Variants in NELL1 observed in about 807,000 individuals in gnomAD.
NELL1 encodes protein kinase C-binding protein NELL1.
Under a neutral mutation model 107.4 loss-of-function variants are expected in NELL1, and 76 were observed. The ratio of observed to expected loss-of-function variants is 0.71; its 90% CI spans 0.59 to 0.86. The LOEUF (loss-of-function observed/expected upper bound fraction) is 0.86. Ranked by LOEUF, NELL1 falls within the 40% of genes least tolerant of loss-of-function variation. The pLI, the probability that NELL1 is intolerant of heterozygous loss-of-function variation, is 0.00. For synonymous variants in NELL1, 353 were observed against 341.2 expected (o/e 1.03, Z -0.38); for missense variants, 1,024 against 1,005.5 (o/e 1.02, Z -0.25).
At chr11:21,126,739 C>T (rs1301670059) in intron 13 of NELL1, among the ~76,000 whole-genome samples, 3 of 152,160 alleles carry the variant, frequency 2.0e-5, no homozygotes, top group African/African-American at 7.2e-5. Flanking sequence ...TTTGGAAAGC[C>T]GCTTGCCTTG....
intron 14 of NELL1, among the ~76,000 whole-genome samples, chr11:21,275,278 G>A (rs1173264018): frequency 5.3e-5 from 8 of 152,198 alleles, no homozygotes; most frequent in African/African-American, 7.2e-5. Flanking sequence ...ACACCTCTAC[G>A]CAAATAAACT....
chr11:21,474,359 A>T (rs1258878887), intron 15 of NELL1, among the ~76,000 whole-genome samples: 9 of 150,286 alleles, frequency 6.0e-5, no homozygotes, highest in Admixed American at 6.0e-4. Flanking sequence ...ATCTCCCACC[A>T]CTGATTTTAG....
intron 15 of NELL1, among the ~76,000 whole-genome samples, chr11:21,439,018 CCA>C (rs1853208359): frequency 1.3e-5 from 2 of 151,584 alleles, no homozygotes; most frequent in African/African-American, 4.8e-5. Context: ...AGAGGTAATC[CCA>C]TCAGGTAAAG....
intron 2 of NELL1, among the ~76,000 whole-genome samples, chr11:20,735,001 G>A (rs565412586): frequency 1.3e-5 from 2 of 152,254 alleles, no homozygotes; most frequent in South Asian, 2.1e-4. Flanking sequence ...CTGAAATTAA[G>A]TACTGGGGAG....
intron 14 of NELL1, among the ~76,000 whole-genome samples, chr11:21,348,907 G>A (rs961728096): frequency 6.6e-6 from 1 of 152,156 alleles, no homozygotes; most frequent in Non-Finnish European, 1.5e-5. Context: ...CTTTAGGAAA[G>A]TTGGGCTGGG....
intron 14 of NELL1, among the ~76,000 whole-genome samples, chr11:21,313,329 A>G (rs1174373408): frequency 2.0e-5 from 3 of 152,170 alleles, no homozygotes; most frequent in Non-Finnish European, 4.4e-5. Context: ...TCCAAAGACC[A>G]TTGACATGGG....
chr11:21,567,253 T>A (rs1211013539), intron 17 of NELL1, among the ~76,000 whole-genome samples: 2 of 151,834 alleles, frequency 1.3e-5, no homozygotes, highest in Non-Finnish European at 2.9e-5. Context: ...TTAAAGTAAG[T>A]CTTCAGGGAG....
At position 21,121,876 on chromosome 11, in the gene NELL1, T is replaced by C. The variant is rs572621766; in HGVS notation, c.1426+8162T>C. On this transcript the variant is annotated intron_variant, in intron 13 of 19. Transcript: ENST00000357134. ...TTTCCAGACCAATTTTAGTTTTCCA[T>C]ATGTAGTACTGGAAAAGCCAAAGAC... Among the ~76,000 whole-genome samples, 9 of 152,320 alleles carry C rather than the reference T, an allele frequency of 5.9e-5. No homozygotes were observed. In the East Asian group the frequency reaches 1.7e-3, roughly 29 times the overall value.
chr11:21,019,371 G>A (rs550251696), intron 12 of NELL1, among the ~76,000 whole-genome samples: 2 of 152,146 alleles, frequency 1.3e-5, no homozygotes, highest in African/African-American at 4.8e-5. Context: ...ATCCAGTCGG[G>A]AAAGAATGCA....
intron 14 of NELL1, among the ~76,000 whole-genome samples, chr11:21,340,941 C>A (rs1314017323): frequency 1.3e-5 from 2 of 152,108 alleles, no homozygotes; most frequent in Non-Finnish European, 2.9e-5. Context: ...GTACCTATTT[C>A]TCTACCATAC....
chr11:21,437,190 C>T (rs531494696), intron 15 of NELL1, among the ~76,000 whole-genome samples: 1 of 152,168 alleles, frequency 6.6e-6, no homozygotes, highest in East Asian at 1.9e-4. Flanking sequence ...AGATGGTCTG[C>T]CCAATGATCA....
chr11:20,916,709 G>A (rs2134157082), intron 5 of NELL1, among the ~76,000 whole-genome samples: 1 of 151,944 alleles, frequency 6.6e-6, no homozygotes, highest in South Asian at 2.1e-4. Flanking sequence ...CCATAAGATG[G>A]AAATCTATAG....
intron 16 of NELL1, among the ~76,000 whole-genome samples, chr11:21,545,275 G>A (rs187855063): frequency 2.0e-4 from 31 of 151,978 alleles, no homozygotes; most frequent in African/African-American, 7.5e-4. Flanking sequence ...AGTTGGTTAT[G>A]TGATGTCTCA....
chr11:21,105,326 T>C (rs1331554821), intron 12 of NELL1, among the ~76,000 whole-genome samples: 1 of 152,122 alleles, frequency 6.6e-6, no homozygotes. Flanking sequence ...GCACAGTGTT[T>C]TATAGACAGG....
intron 2 of NELL1, among the ~76,000 whole-genome samples, chr11:20,707,231 T>C (rs1224560726): frequency 2.0e-5 from 3 of 152,226 alleles, no homozygotes; most frequent in Non-Finnish European, 4.4e-5. Flanking sequence ...TAAGGTCTTC[T>C]TGGTGCTGTT....
chr11:20,689,747 C>T (rs568335271), intron 2 of NELL1, among the ~76,000 whole-genome samples: 70 of 151,304 alleles, frequency 4.6e-4, no homozygotes, highest in Middle Eastern at 3.4e-3. Context: ...AATAAACATA[C>T]GTGTGCGTGT....
At chr11:20,936,939 G>C (rs143699048) in intron 9 of NELL1, among the ~76,000 whole-genome samples, 221 of 152,260 alleles carry the variant, frequency 1.5e-3, no homozygotes, top group African/African-American at 4.9e-3. Flanking sequence ...TATTGCTTCT[G>C]TTCCTCCTAG....
At chr11:21,269,378 A>T (rs200004012) in intron 14 of NELL1, among the ~76,000 whole-genome samples, 4,856 of 141,940 alleles carry the variant, frequency 0.034, 101 homozygotes, top group Admixed American at 0.072. Context: ...TCTCTCTCTC[A>T]CACACACACA....
chr11:20,703,571 C>T (rs374605146), intron 2 of NELL1, among the ~76,000 whole-genome samples: 6 of 152,054 alleles, frequency 3.9e-5, no homozygotes, highest in African/African-American at 1.4e-4. Context: ...GCTCTTGCTT[C>T]TCTAGTTCTT....
Sources: allele counts gnomAD v4.1 joint callset (sites outside exome capture counted in the v4.1 genomes callset), GRCh38; gene constraint gnomAD v4.1.1; transcripts MANE v1.5; gene names NCBI Gene and HGNC (gene_info 2026-07-23, HGNC 2026-07-21).